Variants in SAMHD1 observed in about 807,000 individuals in gnomAD.
SAMHD1 encodes the protein deoxynucleoside triphosphate triphosphohydrolase SAMHD1.
Under a neutral mutation model 79.6 loss-of-function variants are expected in SAMHD1, and 54 were observed. The ratio of observed to expected loss-of-function variants is 0.68; its 90% CI spans 0.55 to 0.85. The LOEUF is 0.85. SAMHD1 is among the 40% of genes least tolerant of loss of function. SAMHD1 has a pLI of 0.00. For missense variants in SAMHD1, 663 were observed against 782.7 expected (o/e 0.85, Z 1.82); for synonymous variants, 260 against 264.1 (o/e 0.98, Z 0.15).
At chr20:36,898,644 T>A in intron 13 of SAMHD1, 100 bp from the exon 14 acceptor site, 2 of 897,826 alleles carry the variant, frequency 2.2e-6, no homozygotes, top group Non-Finnish European at 3.6e-6. Flanking sequence ...CCGGGCGCAG[T>A]AGCTCATGCC....
At chr20:36,903,528 C>G (rs916561222) in intron 13 of SAMHD1, among the ~76,000 whole-genome samples, 1 of 148,704 alleles carries the variant, frequency 6.7e-6, no homozygotes, top group Non-Finnish European at 1.5e-5. Flanking sequence ...CATGAGCCAC[C>G]GTGCCCAGCA....
chr20:36,893,082 A>G lies in SAMHD1; in HGVS notation c.1747-16T>C. The G allele has an allele frequency of 6.2e-7, 1 of 1,611,832 alleles. No individual in the cohort carries two copies. The highest frequency in any genetic ancestry group is 8.5e-7 in the Non-Finnish European group (1 of 1,180,002). ...CATCGCCATCCTATTAGGAAGAGAG[A>G]GAAAAACAGGCAATAGAGAAAAGCC... On this transcript the variant is annotated splice_polypyrimidine_tract_variant and intron_variant, in intron 15 of 15. Transcript: ENST00000646673.
intron 2 of SAMHD1, among the ~76,000 whole-genome samples, chr20:36,945,386 T>C (rs1367555375): frequency 6.6e-6 from 1 of 152,206 alleles, no homozygotes; most frequent in African/African-American, 2.4e-5. Context: ...TCTTTAAATC[T>C]AATACCAGGG....
rs2063480177 is a variant in SAMHD1, at chr20:36,916,972, C to T, written c.930G>A (p.Val310=). ...ACCTGGCAAAATAATCCCATTTGTC[C>T]ACATCAATGCCATTTCTTTTATTAG... ...IVSNKRNGID[V]DKWDYFARDC... is the part of the protein sequence containing the mutation. The change falls in exon 8 of 16, where the codon GTG becomes GTA. Residue 310 remains valine (V), a synonymous_variant. Coordinates refer to ENST00000646673, the MANE Select transcript of SAMHD1 (RefSeq NM_015474.4). The T allele has an allele frequency of 6.2e-7, 1 of 1,613,550 alleles. No individual in the cohort carries two copies. Among genetic ancestry groups the T allele is most frequent in the East Asian group, 2.2e-5 (1 of 44,874 alleles).
intron 4 of SAMHD1, 166 bp from the exon 5 acceptor site, chr20:36,931,041 C>A: frequency 1.5e-6 from 1 of 655,910 alleles, no homozygotes; most frequent in Non-Finnish European, 2.8e-6. Flanking sequence ...CAAACGGAAT[C>A]CCAAAAGCAG....
chr20:36,930,541 C>A (rs1306377992), intron 5 of SAMHD1, among the ~76,000 whole-genome samples: 2 of 151,626 alleles, frequency 1.3e-5, no homozygotes, highest in East Asian at 1.9e-4. Context: ...AGATGTTTAA[C>A]ATGAGAAATT....
chr20:36,936,517 C>A (rs944748030), intron 3 of SAMHD1, among the ~76,000 whole-genome samples: 3 of 151,710 alleles, frequency 2.0e-5, no homozygotes, highest in Admixed American at 6.6e-5. Context: ...GAGACAAAGT[C>A]TTGCTATATT....
chr20:36,893,033 G>A lies in SAMHD1; in HGVS notation c.1780C>T (p.Gln594Ter), dbSNP rs1990117713. The A allele has an allele frequency of 6.2e-7, 1 of 1,613,520 alleles. No homozygotes were observed. The highest frequency in any genetic ancestry group is 8.5e-7 in the Non-Finnish European group (1 of 1,179,876). The change falls in exon 16 of 16, where the codon CAA (glutamine) becomes TAA (stop). Residue 594 changes from glutamine (Q) to a stop codon, truncating the protein, a stop_gained. Coordinates refer to ENST00000646673, the MANE Select transcript of SAMHD1 (RefSeq NM_015474.4). LOFTEE classifies it low-confidence loss of function (END_TRUNC). ...GDVIAPLITP[Q>*]KKEWNDSTSV... ...GTACTGTCGTTCCATTCCTTTTTTT[G>A]AGGTGTTATGAGTGGGGCTATAACA... is the stretch of plus-strand genomic sequence containing the variant.
Position 36,892,845 on chromosome 20 carries a change from T to C in SAMHD1, c.*87A>G. The C allele has an allele frequency of 1.3e-6, 2 of 1,514,352 alleles. No individual in the cohort carries two copies. The highest frequency in any genetic ancestry group is 1.8e-6 in the Non-Finnish European group (2 of 1,089,068). The allele number at this position is 1,514,352 out of a possible 1,614,324, so 93.8% of individuals were successfully genotyped here. Reference sequence around the variant, plus strand: ...TCAAAATACAAAATTAAAGCATGAGTTGTCATTAATTTGCAGAATTCTATG... The same window carrying C: ...TCAAAATACAAAATTAAAGCATGAGCTGTCATTAATTTGCAGAATTCTATG... On this transcript the variant is annotated 3_prime_UTR_variant, in exon 16 of 16. Coordinates refer to ENST00000646673, the MANE Select transcript of SAMHD1 (RefSeq NM_015474.4).
chr20:36,948,168 G>C (rs528078032), intron 1 of SAMHD1, among the ~76,000 whole-genome samples: 21 of 152,130 alleles, frequency 1.4e-4, no homozygotes, highest in Admixed American at 3.9e-4. Context: ...TTCTTGTGAG[G>C]CTGTATTCCA....
chr20:36,939,078 A>G (rs2063623241), intron 3 of SAMHD1, among the ~76,000 whole-genome samples: 8 of 125,918 alleles, frequency 6.4e-5, no homozygotes, highest in Non-Finnish European at 8.2e-5. Context: ...AAAATACCAA[A>G]AAAAAAAAAA....
At chr20:36,924,435 GAA>G (rs2063524978) in intron 6 of SAMHD1, among the ~76,000 whole-genome samples, 1 of 152,020 alleles carries the variant, frequency 6.6e-6, no homozygotes, top group Non-Finnish European at 1.5e-5. Context: ...GAAAAAAAAA[GAA>G]AAGAGCATAA....
intron 6 of SAMHD1, among the ~76,000 whole-genome samples, chr20:36,924,450 CAGG>C (rs978793052): frequency 1.3e-5 from 2 of 151,880 alleles, no homozygotes; most frequent in Non-Finnish European, 2.9e-5. Context: ...GAGCATAAAT[CAGG>C]AGGAGGAGGT....
intron 2 of SAMHD1, chr20:36,946,517 G>A (rs2063687675): frequency 4.2e-6 from 2 of 477,590 alleles, no homozygotes; most frequent in East Asian, 3.9e-5. Flanking sequence ...AAGCCGGGAG[G>A]CAGAGGTTGC....
intron 13 of SAMHD1, among the ~76,000 whole-genome samples, chr20:36,903,619 G>A (rs568819420): frequency 2.7e-5 from 4 of 146,764 alleles, no homozygotes; most frequent in African/African-American, 1.0e-4. Context: ...GCATGGTCTC[G>A]GCTCACTGCA....
chr20:36,930,891 A>T lies in SAMHD1; in HGVS notation c.510-16T>A. The T allele has an allele frequency of 6.4e-7, 1 of 1,551,732 alleles. No individual in the cohort carries two copies. Among genetic ancestry groups the T allele is most frequent in the Non-Finnish European group, 8.9e-7 (1 of 1,123,596 alleles). ...ATACCCCACCCTGCAGAGCAAAAAC[A>T]CAAAAAGTCACTTTTCTGTTTGCAA... On this transcript the variant is annotated splice_polypyrimidine_tract_variant and intron_variant, in intron 4 of 15. Transcript: ENST00000646673.
chr20:36,931,080 A>G (rs949803029), intron 4 of SAMHD1: 6 of 595,644 alleles, frequency 1.0e-5, no homozygotes, highest in Admixed American at 9.6e-5. Flanking sequence ...ACCAATCATT[A>G]GAGGAATGCA....
chr20:36,910,095 C>T (rs1054470339), intron 11 of SAMHD1, among the ~76,000 whole-genome samples: 5 of 151,662 alleles, frequency 3.3e-5, no homozygotes, highest in Non-Finnish European at 4.4e-5. Context: ...TGGTGGCGGG[C>T]GCCTGTAGTC....
chr20:36,921,855 A>G (rs2063507917), intron 6 of SAMHD1, among the ~76,000 whole-genome samples: 1 of 151,982 alleles, frequency 6.6e-6, no homozygotes, highest in Non-Finnish European at 1.5e-5. Context: ...TGCCCAGATA[A>G]TTTTTATATT....
Sources: gnomAD v4.1 joint callset for allele counts (sites outside exome capture counted in the v4.1 genomes callset) on GRCh38, gnomAD v4.1.1 for gene constraint, MANE v1.5 for transcripts, NCBI Gene and HGNC (gene_info 2026-07-23, HGNC 2026-07-21) for gene names.